Variants in PRKAA1 observed in about 807,000 individuals in gnomAD.
The protein encoded by PRKAA1 is 5'-AMP-activated protein kinase catalytic subunit alpha-1.
In PRKAA1, 23 loss-of-function variants were observed where a neutral mutation model predicts 56.9. The ratio of observed to expected loss-of-function variants is 0.40; its 90% CI spans 0.29 to 0.57. The LOEUF (loss-of-function observed/expected upper bound fraction) is 0.57, where lower values mean the gene tolerates loss of function less well. Ranked by LOEUF, PRKAA1 falls within the 20% of genes least tolerant of loss-of-function variation. The pLI is 0.39. For synonymous variants in PRKAA1, 226 were observed against 227.0 expected, an observed-to-expected ratio of 1.00 and a Z score of 0.04; for missense variants, 413 against 679.7, an observed-to-expected ratio of 0.61 and a Z score of 4.36.
At chr5:40,780,231 T>C (rs991377000) in intron 1 of PRKAA1, among the ~76,000 whole-genome samples, 1 of 152,180 alleles carries the variant, frequency 6.6e-6, no homozygotes, top group Non-Finnish European at 1.5e-5. Context: ...ACAACACCAA[T>C]AATAATTAGC....
intron 4 of PRKAA1, among the ~76,000 whole-genome samples, chr5:40,770,271 T>G (rs1408697974): frequency 6.6e-6 from 1 of 152,136 alleles, no homozygotes; most frequent in African/African-American, 2.4e-5. Context: ...GAGTCCGGCC[T>G]GGCCAACATA....
chr5:40,764,719 A>T, intron 7 of PRKAA1, 33 bp downstream of exon 7: 1 of 1,603,828 alleles, frequency 6.2e-7, no homozygotes, highest in Non-Finnish European at 8.5e-7. Context: ...TTTGCCAAAT[A>T]TGCTAATAAT....
At position 40,778,353 on chromosome 5, in the gene PRKAA1, T is replaced by C. The variant is rs1300868356; in HGVS notation, c.128-767A>G. Reference sequence around the variant, plus strand: ...ATAAGTTATTTTCTCTTTTGCCAGATTCATCCCAAATGTTCAGATGTTTAA... The same window carrying C: ...ATAAGTTATTTTCTCTTTTGCCAGACTCATCCCAAATGTTCAGATGTTTAA... On this transcript the variant is annotated intron_variant, in intron 1 of 8. Transcript: ENST00000397128. Among the ~76,000 whole-genome samples the C allele has an allele frequency of 3.3e-5, 5 of 152,186 alleles. No homozygotes were observed. In the East Asian group the frequency reaches 9.6e-4, roughly 29 times the overall value.
In PRKAA1 at chr5:40,765,170, G is replaced by A; in HGVS notation, c.890C>T (p.Thr297Ile). The A allele has an allele frequency of 6.2e-7, 1 of 1,613,970 alleles. No homozygotes were observed. Among genetic ancestry groups the A allele is most frequent in the Non-Finnish European group, 8.5e-7 (1 of 1,179,884 alleles). The change falls in exon 7 of 9, where the codon ACC becomes ATC. Residue 297 changes from threonine (T) to isoleucine (I), a missense_variant. Around this residue, in one of 9 missense-constraint regions of PRKAA1, gnomAD observed 113 missense variants for 198.6 expected, o/e 0.57. Coordinates refer to ENST00000397128, the MANE Select transcript of PRKAA1 (RefSeq NM_006251.6). ...TTTTAAGGCTTCATCATCAATCATG[G>A]TTGAACTATATGATGGATCCTCAGG... is the stretch of plus-strand genomic sequence containing the variant. ...LFPEDPSYSS[T>I]MIDDEALKEV... is the part of the protein sequence containing the mutation.
chr5:40,785,801 T>C (rs1223801665), intron 1 of PRKAA1, among the ~76,000 whole-genome samples: 1 of 151,214 alleles, frequency 6.6e-6, no homozygotes, highest in Non-Finnish European at 1.5e-5. Flanking sequence ...TAATGCCTGG[T>C]ATCCTTACAA....
At chr5:40,785,535 C>A (rs1347579590) in intron 1 of PRKAA1, among the ~76,000 whole-genome samples, 1 of 151,976 alleles carries the variant, frequency 6.6e-6, no homozygotes, top group Non-Finnish European at 1.5e-5. Flanking sequence ...ACCAACCACG[C>A]CCAGCCCACA....
rs570597736 is a variant in PRKAA1, at chr5:40,762,490, G to C, written c.*288C>G. On this transcript the variant is annotated 3_prime_UTR_variant, in exon 9 of 9. Coordinates refer to ENST00000397128, the MANE Select transcript of PRKAA1 (RefSeq NM_006251.6). Reference sequence around the variant, plus strand: ...ATGTAAATTAATATTTCAAAGCCCTGTGTACACTAAATATAAAATAGCCAA... The same window carrying C: ...ATGTAAATTAATATTTCAAAGCCCTCTGTACACTAAATATAAAATAGCCAA... 27 of 327,760 alleles carry C rather than the reference G, an allele frequency of 8.2e-5. No homozygotes were observed. Among genetic ancestry groups the C allele is most frequent in the South Asian group, 3.0e-4 (8 of 27,076 alleles). The allele number at this position is 327,760 out of a possible 1,614,324, so 20.3% of individuals were successfully genotyped here.
At chr5:40,793,003 G>A (rs1443984687) in intron 1 of PRKAA1, among the ~76,000 whole-genome samples, 1 of 151,388 alleles carries the variant, frequency 6.6e-6, no homozygotes, top group African/African-American at 2.4e-5. Flanking sequence ...GGAGGTGGAA[G>A]TTGCAGTGAG....
intron 4 of PRKAA1, 101 bp downstream of exon 4, chr5:40,771,618 T>G: frequency 8.4e-7 from 1 of 1,190,880 alleles, no homozygotes; most frequent in Non-Finnish European, 1.2e-6. Flanking sequence ...GTCTATTACT[T>G]TATGTAATCT....
Position 40,777,523 on chromosome 5 carries a change from C to T in PRKAA1, c.191G>A (p.Arg64Gln), listed in dbSNP as rs1261017903. Reference sequence around the variant, plus strand: ...GATTTTTCCTACCACATCAAGGCTCCGAATCTTCTGTCGATTGAGTATCTT... The same window carrying T: ...GATTTTTCCTACCACATCAAGGCTCTGAATCTTCTGTCGATTGAGTATCTT... ...AVKILNRQKI[R>Q]SLDVVGKIRR... is the part of the protein sequence containing the mutation. The change falls in exon 2 of 9, where the codon CGG becomes CAG. Residue 64 changes from arginine (R) to glutamine (Q), a missense_variant. Arg to Gln is a conservative substitution (Grantham distance 43). This residue lies in a region of PRKAA1 where 16 missense variants were observed against 30.9 expected (regional missense o/e 0.52). Coordinates refer to ENST00000397128, the MANE Select transcript of PRKAA1 (RefSeq NM_006251.6). The T allele has an allele frequency of 3.1e-6, 5 of 1,613,596 alleles. No homozygotes were observed. The highest frequency in any genetic ancestry group is 2.2e-5 in the East Asian group (1 of 44,904).
chr5:40,782,841 C>G (rs1289148957), intron 1 of PRKAA1, among the ~76,000 whole-genome samples: 3 of 152,092 alleles, frequency 2.0e-5, no homozygotes, highest in Non-Finnish European at 4.4e-5. Flanking sequence ...CTGTAAATAA[C>G]AGAAGCCCCC....
At chr5:40,781,610 G>A (rs1441154896) in intron 1 of PRKAA1, among the ~76,000 whole-genome samples, 2 of 151,370 alleles carry the variant, frequency 1.3e-5, no homozygotes, top group Non-Finnish European at 2.9e-5. Context: ...TAAGCTTTAG[G>A]TAAAAAAATT....
chr5:40,777,545 T>C lies in PRKAA1; in HGVS notation c.169A>G (p.Ile57Val). ...ELTGHKVAVKILNRQKIRSLD... is the reference protein window; with the variant it reads ...ELTGHKVAVKVLNRQKIRSLD... Reference sequence around the variant, plus strand: ...CTCCGAATCTTCTGTCGATTGAGTATCTTCACAGCTACTTTATGCCCAGTC... The same window carrying C: ...CTCCGAATCTTCTGTCGATTGAGTACCTTCACAGCTACTTTATGCCCAGTC... Residue 57 changes from isoleucine (I) to valine (V), a missense_variant, in exon 2 of 9, where the codon ATA (isoleucine) becomes GTA (valine). Coordinates refer to ENST00000397128, the MANE Select transcript of PRKAA1 (RefSeq NM_006251.6). The C allele has an allele frequency of 6.2e-7, 1 of 1,613,300 alleles. No homozygotes were observed. The highest frequency in any genetic ancestry group is 8.5e-7 in the Non-Finnish European group (1 of 1,179,298).
At chr5:40,796,100 T>C (rs375532192) in intron 1 of PRKAA1, among the ~76,000 whole-genome samples, 1 of 152,142 alleles carries the variant, frequency 6.6e-6, no homozygotes, top group African/African-American at 2.4e-5. Context: ...GTAGATCACC[T>C]GAGGTCAGGA....
chr5:40,796,644 A>C (rs466108), intron 1 of PRKAA1, among the ~76,000 whole-genome samples: 104,521 of 152,056 alleles, frequency 0.69, 36,049 homozygotes, highest in East Asian at 0.8. Context: ...TCCGCCTTGC[A>C]GATTTTCATA....
intron 1 of PRKAA1, among the ~76,000 whole-genome samples, chr5:40,779,608 T>C (rs1744177617): frequency 6.6e-6 from 1 of 152,144 alleles, no homozygotes; most frequent in South Asian, 2.1e-4. Flanking sequence ...TGGTTGGTAA[T>C]CAGGTGCACC....
intron 2 of PRKAA1, among the ~76,000 whole-genome samples, chr5:40,776,549 G>C (rs1192454912): frequency 3.3e-5 from 5 of 152,238 alleles, no homozygotes; most frequent in African/African-American, 1.2e-4. Context: ...GAAGAGGTAA[G>C]AGTGAAACAA....
chr5:40,781,095 T>C (rs1744249518), intron 1 of PRKAA1, among the ~76,000 whole-genome samples: 1 of 152,200 alleles, frequency 6.6e-6, no homozygotes, highest in Non-Finnish European at 1.5e-5. Context: ...TGTGCACTAA[T>C]TTCTACCCCA....
intron 5 of PRKAA1, among the ~76,000 whole-genome samples, chr5:40,767,966 T>A (rs541633838): frequency 1.0e-3 from 159 of 152,294 alleles, no homozygotes; most frequent in Non-Finnish European, 1.7e-3. Context: ...AACAAACATA[T>A]CACTATTCAA....
Sources: allele counts gnomAD v4.1 joint callset (sites outside exome capture counted in the v4.1 genomes callset), GRCh38; gene constraint gnomAD v4.1.1; regional missense constraint gnomAD v4.1.1; transcripts MANE v1.5; gene names NCBI Gene and HGNC (gene_info 2026-07-23, HGNC 2026-07-21).